NRK: variants seen among roughly 807,000 people sequenced by gnomAD.
NRK encodes the protein Nik related kinase.
In NRK, 67 loss-of-function variants were observed where a neutral mutation model predicts 125.2. That is an observed-to-expected ratio of 0.54 (90% CI 0.44 to 0.66). The LOEUF is 0.66. Ranked by LOEUF, NRK falls within the 30% of genes least tolerant of loss-of-function variation. NRK has a pLI of 0.00. For missense variants in NRK, 1,224 were observed against 1,192.9 expected (o/e 1.03, Z -0.38); for synonymous variants, 458 against 429.0 (o/e 1.07, Z -0.84).
chrX:105,921,324 A>C (rs2040442480), intron 16 of NRK, among the ~76,000 whole-genome samples: 1 of 93,747 alleles, frequency 1.1e-5, no homozygotes, highest in South Asian at 5.9e-4. Flanking sequence ...CACTCTGGGG[A>C]CTGTTGTGGG....
chrX:105,866,635 C>T (rs760624111), intron 2 of NRK, among the ~76,000 whole-genome samples: 1 of 111,548 alleles, frequency 9.0e-6, no homozygotes, highest in Non-Finnish European at 1.9e-5. Context: ...TGAACACATA[C>T]ATGTCTGAGT....
At chrX:105,913,638 T>A (rs2040329355) in intron 14 of NRK, among the ~76,000 whole-genome samples, 1 of 111,580 alleles carries the variant, frequency 9.0e-6, no homozygotes. Context: ...ATTGACAGGT[T>A]TACTTTATTC....
intron 1 of NRK, among the ~76,000 whole-genome samples, chrX:105,823,329 T>A (rs376794370): frequency 2.7e-5 from 3 of 112,070 alleles, no homozygotes; most frequent in Non-Finnish European, 5.6e-5. Context: ...GTTTGCTGCT[T>A]CTTTTGCCAT....
At chrX:105,942,598 T>A (rs888201757) in intron 23 of NRK, among the ~76,000 whole-genome samples, 1 of 111,574 alleles carries the variant, frequency 9.0e-6, no homozygotes, top group African/African-American at 3.3e-5. Context: ...TTGTAAACAT[T>A]CTTTAAGTAT....
Position 105,946,000 on chromosome X carries a change from T to G in NRK, c.4188T>G (p.His1396Gln). Residue 1396 changes from histidine (H) to glutamine (Q), a missense_variant, in exon 25 of 29, where the codon CAT becomes CAG. Transcript: ENST00000243300. ...NRFKRPDELL[H>Q]LLKLKVFPTL... Reference sequence around the variant, plus strand: ...TTAAGAGACCAGATGAGCTCCTTCATTTGCTGAAGCTCAAGGCAAGGAACT... The same window carrying G: ...TTAAGAGACCAGATGAGCTCCTTCAGTTGCTGAAGCTCAAGGCAAGGAACT... 4 of 1,209,394 alleles carry G rather than the reference T, an allele frequency of 3.3e-6. No individual in the cohort carries two copies. Among genetic ancestry groups the G allele is most frequent in the Non-Finnish European group, 4.5e-6 (4 of 894,106 alleles).
intron 2 of NRK, among the ~76,000 whole-genome samples, chrX:105,842,017 G>T (rs2039336355): frequency 9.0e-6 from 1 of 111,033 alleles, no homozygotes; most frequent in Admixed American, 9.6e-5. Flanking sequence ...AAATTTGCTT[G>T]GCCCGAGGTC....
intron 2 of NRK, among the ~76,000 whole-genome samples, chrX:105,836,639 T>C (rs1399149032): frequency 8.9e-6 from 1 of 112,185 alleles, no homozygotes; most frequent in East Asian, 2.8e-4. Flanking sequence ...TTTGGAAATA[T>C]ATGATAAACA....
intron 22 of NRK, 151 bp from the exon 23 acceptor site, chrX:105,939,723 A>G: frequency 7.5e-6 from 3 of 402,259 alleles, no homozygotes; most frequent in Non-Finnish European, 1.3e-5. Flanking sequence ...CAAATCCTGA[A>G]TGGGAGATTC....
At chrX:105,831,001 T>G in intron 1 of NRK, 53 bp from the exon 2 acceptor site, 1 of 722,922 alleles carries the variant, frequency 1.4e-6, no homozygotes, top group South Asian at 2.2e-5. Flanking sequence ...GATAGTTGAA[T>G]GCTCACCTAA....
intron 13 of NRK, among the ~76,000 whole-genome samples, chrX:105,911,881 G>A (rs1179067386): frequency 9.0e-6 from 1 of 111,590 alleles, no homozygotes; most frequent in Non-Finnish European, 1.9e-5. Flanking sequence ...TATGTGGAAA[G>A]CCATTCTAAA....
intron 1 of NRK, 21 bp downstream of exon 1, chrX:105,822,923 G>A: frequency 1.8e-6 from 2 of 1,142,567 alleles, no homozygotes; most frequent in Non-Finnish European, 2.3e-6. Context: ...GACGCCCGTC[G>A]CCCCCCGAAA....
intron 2 of NRK, among the ~76,000 whole-genome samples, chrX:105,850,588 G>A (rs978504366): frequency 2.7e-5 from 3 of 112,347 alleles, no homozygotes; most frequent in Non-Finnish European, 5.6e-5. Flanking sequence ...CAGCACCCAA[G>A]TCACCTTTTG....
rs763183886 is a variant in NRK, at chrX:105,953,453, C to T, written c.4653+280C>T. Among the ~76,000 whole-genome samples the T allele has an allele frequency of 9.8e-5, 11 of 111,798 alleles. No individual in the cohort carries two copies. In the South Asian group the frequency reaches 1.1e-3, roughly 11 times the overall value. On this transcript the variant is annotated intron_variant, in intron 28 of 28. Coordinates refer to ENST00000243300, the MANE Select transcript of NRK (RefSeq NM_198465.4). ...AGCTTAGCCATTATTTTATTTGGTT[C>T]GAAATCCTTTATTGTCTTTGATTCA...
chrX:105,867,422 A>G (rs1487231638), intron 2 of NRK, among the ~76,000 whole-genome samples: 1 of 111,641 alleles, frequency 9.0e-6, no homozygotes, highest in East Asian at 2.8e-4. Flanking sequence ...CTAATTCCAG[A>G]CTAAGAATTA....
intron 28 of NRK, 22 bp downstream of exon 28, chrX:105,953,195 T>C: frequency 9.3e-7 from 1 of 1,070,705 alleles, no homozygotes; most frequent in African/African-American, 1.8e-5. Context: ...ACCCTCCAGT[T>C]ACAGCAAAAA....
rs1162143332 is a variant in NRK at position 105,912,589 on chromosome X, T to A, written c.2242-59T>A. 14 of 514,304 alleles carry A rather than the reference T, an allele frequency of 2.7e-5. No individual in the cohort carries two copies. The East Asian group carries it at 6.2e-4, about 23-fold the overall frequency. 42.4% of individuals were successfully genotyped at this position (514,304 alleles called of 1,213,427 possible). A position where few individuals can be genotyped will look rare whatever the true frequency, so the allele number is the denominator to read the frequency against. Reference sequence around the variant, plus strand: ...ATTCAGCATTAAGATGATGAAGTTGTTCCTATCACTTGCATTTTAACAACA... The same window carrying A: ...ATTCAGCATTAAGATGATGAAGTTGATCCTATCACTTGCATTTTAACAACA... On this transcript the variant is annotated intron_variant, in intron 13 of 28. Coordinates refer to ENST00000243300, the MANE Select transcript of NRK (RefSeq NM_198465.4).
At chrX:105,886,005 G>A (rs369566256) in intron 4 of NRK, among the ~76,000 whole-genome samples, 4 of 110,494 alleles carry the variant, frequency 3.6e-5, no homozygotes, top group South Asian at 3.9e-4. Flanking sequence ...GCTAAACCTC[G>A]GTGTCCTAAT....
In NRK at chrX:105,934,345, A is replaced by G; in HGVS notation, c.3400A>G (p.Ile1134Val). ...TGATCATGAGAGTGACAATAAGGACATATCAGAATCATCAACACAATCAGA... is the reference window on the plus strand; with the variant it reads ...TGATCATGAGAGTGACAATAAGGACGTATCAGAATCATCAACACAATCAGA... ...APDHESDNKD[I>V]SESSTQSDFS... Residue 1134 changes from isoleucine to valine, a missense_variant, in exon 20 of 29, where the codon ATA becomes GTA. Transcript: ENST00000243300. 1.7e-6 allele frequency: 2 copies of G among 1,194,912 alleles called. No individual in the cohort carries two copies. The highest frequency in any genetic ancestry group is 2.3e-6 in the Non-Finnish European group (2 of 880,710).
At chrX:105,905,077 A>G (rs2040203465) in intron 9 of NRK, among the ~76,000 whole-genome samples, 188 bp from the exon 10 acceptor site, 1 of 112,460 alleles carries the variant, frequency 8.9e-6, no homozygotes, top group South Asian at 3.7e-4. Context: ...AGAATCTTAT[A>G]TATTGCAACA....
Sources: allele counts gnomAD v4.1 joint callset (sites outside exome capture counted in the v4.1 genomes callset), GRCh38; gene constraint gnomAD v4.1.1; transcripts MANE v1.5; gene names NCBI Gene and HGNC (gene_info 2026-07-23, HGNC 2026-07-21).